Variants in IMPG1 observed in about 807,000 individuals in gnomAD.
IMPG1 encodes the protein interphotoreceptor matrix proteoglycan of 150 kDa.
Under a neutral mutation model 92.0 loss-of-function variants are expected in IMPG1, and 85 were observed. That is an observed-to-expected ratio of 0.92 (90% CI 0.78 to 1.11). IMPG1 has a LOEUF of 1.11. Among genes scored for constraint, IMPG1 ranks in the 50% least tolerant of loss-of-function variants. The pLI, the probability that IMPG1 is intolerant of heterozygous loss-of-function variation, is 0.00. For synonymous variants in IMPG1, 367 were observed against 334.1 expected (o/e 1.10, Z -1.08); for missense variants, 1,022 against 956.0 (o/e 1.07, Z -0.91).
At chr6:76,020,314 A>G (rs1038242424) in intron 6 of IMPG1, among the ~76,000 whole-genome samples, 2 of 152,168 alleles carry the variant, frequency 1.3e-5, no homozygotes, top group East Asian at 3.9e-4. Context: ...TGGTCTCCCA[A>G]GGTGCTGGGA....
At chr6:76,045,257 C>T (rs1212533811) in intron 1 of IMPG1, among the ~76,000 whole-genome samples, 1 of 152,122 alleles carries the variant, frequency 6.6e-6, no homozygotes, top group African/African-American at 2.4e-5. Flanking sequence ...TACCATGTTC[C>T]ACTTTTGAGT....
At chr6:75,962,270 C>T (rs1275440896) in intron 12 of IMPG1, among the ~76,000 whole-genome samples, 3 of 151,888 alleles carry the variant, frequency 2.0e-5, no homozygotes, top group Admixed American at 6.6e-5. Context: ...TGTGCATGCA[C>T]CACCACACCC....
chr6:75,950,858 C>CA lies in IMPG1; in HGVS notation c.1527dup (p.Ala510CysfsTer12). ...TGTCTGACCATATCTTCGCCACCTGCACTTGATCGGCTGTCATCTGAAGAT... is the reference window on the plus strand; with the variant it reads ...TGTCTGACCATATCTTCGCCACCTGCAACTTGATCGGCTGTCATCTGAAGAT... On this transcript the variant is annotated frameshift_variant, in exon 13 of 17. Transcript: ENST00000369950. LOFTEE classifies it high-confidence loss of function. The CA allele has an allele frequency of 1.9e-6, 3 of 1,613,948 alleles. No homozygotes were observed. The highest frequency in any genetic ancestry group is 2.5e-6 in the Non-Finnish European group (3 of 1,179,932).
intron 12 of IMPG1, among the ~76,000 whole-genome samples, chr6:75,963,093 G>A (rs1782236564): frequency 6.6e-6 from 1 of 151,136 alleles, no homozygotes; most frequent in Non-Finnish European, 1.5e-5. Flanking sequence ...AAACAGAAAG[G>A]AAACACAGCA....
At position 75,924,706 on chromosome 6, in the gene IMPG1, A is replaced by AATT. The variant is rs1562335294; in HGVS notation, c.2244-1001_2244-1000insAAT. On this transcript the variant is annotated intron_variant, in intron 15 of 16. Coordinates refer to ENST00000369950, the MANE Select transcript of IMPG1 (RefSeq NM_001563.4). ...ATATTATATATAAATAATTATATAT[A>AATT]ATATATAATATATAATATAATTATA... Among the ~76,000 whole-genome samples, 4 of 1,570 alleles carry AATT rather than the reference A, an allele frequency of 2.5e-3. 1 individual carries two copies. The highest frequency in any genetic ancestry group is 7.2e-3 in the African/African-American group (4 of 552). The allele number at this position is 1,570 out of a possible 152,430, so 1.0% of individuals were successfully genotyped here.
At chr6:76,062,715 G>A (rs948191749) in intron 1 of IMPG1, among the ~76,000 whole-genome samples, 1 of 152,034 alleles carries the variant, frequency 6.6e-6, no homozygotes, top group South Asian at 2.1e-4. Flanking sequence ...TGGTTAATTG[G>A]TTACAAATAA....
chr6:75,978,757 C>T (rs1209998548), intron 12 of IMPG1, among the ~76,000 whole-genome samples: 2 of 152,196 alleles, frequency 1.3e-5, no homozygotes, highest in African/African-American at 4.8e-5. Flanking sequence ...AATATATTCC[C>T]TTCCTCAGGT....
At position 75,930,940 on chromosome 6, in the gene IMPG1, A is replaced by T; in HGVS notation, c.2243+13T>A. The T allele has an allele frequency of 6.2e-7, 1 of 1,612,470 alleles. No individual in the cohort carries two copies. Among genetic ancestry groups the T allele is most frequent in the Middle Eastern group, 1.7e-4 (1 of 6,052 alleles). ...GAGTTCTTGAGTCTGTGACGTTAGC[A>T]TGCTTGACCCACCTGCATGGAGCTC... On this transcript the variant is annotated intron_variant, in intron 15 of 16. Coordinates refer to ENST00000369950, the MANE Select transcript of IMPG1 (RefSeq NM_001563.4).
intron 4 of IMPG1, among the ~76,000 whole-genome samples, chr6:76,027,452 T>C (rs1783567417): frequency 6.6e-6 from 1 of 152,206 alleles, no homozygotes; most frequent in South Asian, 2.1e-4. Flanking sequence ...TAATTGAAAC[T>C]ACTGAAATTA....
At chr6:76,018,612 A>T (rs1783338213) in intron 7 of IMPG1, 106 bp downstream of exon 7, 3 of 1,012,450 alleles carry the variant, frequency 3.0e-6, no homozygotes, top group African/African-American at 3.3e-5. Flanking sequence ...GTTAAACATG[A>T]ATGCCAGGAG....
rs1395425674 is a variant in IMPG1 at position 75,971,079 on chromosome 6, C to A, written c.1292-19985G>T. On this transcript the variant is annotated intron_variant, in intron 12 of 16. Coordinates refer to ENST00000369950, the MANE Select transcript of IMPG1 (RefSeq NM_001563.4). ...ACTTGGAACCAACCCAAATGTCCAA[C>A]AATGATAGACTGGATTAAGAAAATG... Among the ~76,000 whole-genome samples, 9 of 152,096 alleles carry A rather than the reference C, an allele frequency of 5.9e-5. No homozygotes were observed. The East Asian group carries it at 1.7e-3, about 29-fold the overall frequency.
Position 75,957,543 on chromosome 6 carries a change from A to G in IMPG1, c.1292-6449T>C, listed in dbSNP as rs372177541. The stretch of plus-strand genomic sequence containing the variant: ...CCCATTATTATTGTGTGGGAGTCTA[A>G]GTCTCTTTGCAGGCCCTAAGAACCT... On this transcript the variant is annotated intron_variant, in intron 12 of 16. Coordinates refer to ENST00000369950, the MANE Select transcript of IMPG1 (RefSeq NM_001563.4). Among the ~76,000 whole-genome samples, 3 of 152,270 alleles carry G rather than the reference A, an allele frequency of 2.0e-5. No individual in the cohort carries two copies. In the East Asian group the frequency reaches 5.8e-4, roughly 29 times the overall value.
At chr6:76,051,119 A>G (rs141570311) in intron 1 of IMPG1, among the ~76,000 whole-genome samples, 2 of 152,128 alleles carry the variant, frequency 1.3e-5, no homozygotes, top group Non-Finnish European at 2.9e-5. Context: ...TAAAAAAAAA[A>G]CACAATTTAA....
chr6:75,932,575 A>G (rs1450406313), intron 14 of IMPG1, among the ~76,000 whole-genome samples: 1 of 152,174 alleles, frequency 6.6e-6, no homozygotes, highest in Non-Finnish European at 1.5e-5. Context: ...TGAAAGTTTA[A>G]CTAGTAGAAC....
intron 7 of IMPG1, among the ~76,000 whole-genome samples, chr6:76,017,038 T>C (rs969155148): frequency 3.9e-5 from 6 of 152,082 alleles, no homozygotes; most frequent in Non-Finnish European, 2.9e-5. Context: ...ACTTTCCATG[T>C]TGAAGTATGT....
At position 75,921,875 on chromosome 6, in the gene IMPG1, GGTTT is replaced by G. The variant is rs146172533; in HGVS notation, c.*210_*213del. On this transcript the variant is annotated 3_prime_UTR_variant, in exon 17 of 17. Transcript: ENST00000369950. ...AATATGTTTCGCTGATTGCATTTGG[GGTTT>G]TAATAATAAGTAAGTGTCTTTTTCT... The G allele has an allele frequency of 0.011, 4,543 of 396,740 alleles. 304 individuals are homozygous for G. The East Asian group carries it at 0.16, about 14-fold the overall frequency. 24.6% of individuals were successfully genotyped at this position (396,740 alleles called of 1,614,324 possible).
chr6:76,004,021 TC>T, intron 10 of IMPG1, 71 bp from the exon 11 acceptor site: 1 of 1,172,850 alleles, frequency 8.5e-7, no homozygotes, highest in Non-Finnish European at 1.3e-6. Flanking sequence ...AATAAAACAG[TC>T]CAGGTTGAAA....
intron 12 of IMPG1, among the ~76,000 whole-genome samples, chr6:75,986,768 G>C (rs1329111110): frequency 6.6e-6 from 1 of 152,026 alleles, no homozygotes; most frequent in Non-Finnish European, 1.5e-5. Context: ...AGACTCCCTA[G>C]GGGAGAAATG....
intron 12 of IMPG1, among the ~76,000 whole-genome samples, chr6:75,995,536 C>T (rs1782883747): frequency 6.6e-6 from 1 of 152,068 alleles, no homozygotes; most frequent in Non-Finnish European, 1.5e-5. Flanking sequence ...TATTTTTTGC[C>T]TTCTTGTCGT....
Sources: gnomAD v4.1 joint callset for allele counts (sites outside exome capture counted in the v4.1 genomes callset) on GRCh38, gnomAD v4.1.1 for gene constraint, MANE v1.5 for transcripts, NCBI Gene and HGNC (gene_info 2026-07-23, HGNC 2026-07-21) for gene names.